Variants in TMEM135 observed in about 807,000 individuals in gnomAD.
The protein encoded by TMEM135 is transmembrane protein 135.
In TMEM135, 30 loss-of-function variants were observed where a neutral mutation model predicts 60.3. That is an observed-to-expected ratio of 0.50 (90% CI 0.37 to 0.68). The LOEUF (loss-of-function observed/expected upper bound fraction) is 0.68, where lower values mean the gene tolerates loss of function less well. TMEM135 is among the 30% of genes least tolerant of loss of function. TMEM135 has a pLI of 0.00. For synonymous variants in TMEM135, 190 were observed against 186.7 expected, an observed-to-expected ratio of 1.02 and a Z score of -0.14; for missense variants, 468 against 548.8, an observed-to-expected ratio of 0.85 and a Z score of 1.47.
chr11:87,253,677 A>G (rs1941466511), intron 6 of TMEM135, among the ~76,000 whole-genome samples: 1 of 10,564 alleles, frequency 9.5e-5, no homozygotes, highest in Admixed American at 6.8e-4. Context: ...ATATATATAT[A>G]TATATATATA....
chr11:87,297,599 GAATTCT>G (rs1942369068), intron 7 of TMEM135, among the ~76,000 whole-genome samples: 1 of 152,160 alleles, frequency 6.6e-6, no homozygotes, highest in Non-Finnish European at 1.5e-5. Context: ...TAGACTCCCA[GAATTCT>G]TGCAAAAACT....
chr11:87,119,340 T>G (rs953415693), intron 4 of TMEM135, among the ~76,000 whole-genome samples: 8 of 152,308 alleles, frequency 5.3e-5, no homozygotes, highest in African/African-American at 1.9e-4. Context: ...ACACAACATT[T>G]ATCTATTAAG....
chr11:87,211,860 C>T (rs1256566842), intron 5 of TMEM135, among the ~76,000 whole-genome samples: 14 of 151,852 alleles, frequency 9.2e-5, no homozygotes, highest in African/African-American at 3.1e-4. Flanking sequence ...AGGAGAATGG[C>T]GTGAACCCGG....
chr11:87,247,948 C>T lies in TMEM135; in HGVS notation c.509+11264C>T, dbSNP rs562149525. On this transcript the variant is annotated intron_variant, in intron 6 of 14. Transcript: ENST00000305494. ...TGCAGAAATCACCCGTCTTCTGCGTCGCTCACACTGGGGGCTTTAGACTGG... is the reference window on the plus strand; with the variant it reads ...TGCAGAAATCACCCGTCTTCTGCGTTGCTCACACTGGGGGCTTTAGACTGG... 2.1e-3 allele frequency among the ~76,000 whole-genome samples: 317 copies of T among 151,832 alleles called. 1 individual carries two copies. Among genetic ancestry groups the T allele is most frequent in the African/African-American group, 6.6e-3 (272 of 41,368 alleles).
In TMEM135 at chr11:87,129,213, ATTTTTTTTTTTTTTTTTTTTTTTTT is replaced by A. The variant is rs71040295; in HGVS notation, c.397-28105_397-28081del. Among the ~76,000 whole-genome samples, 24 of 116,272 alleles carry A rather than the reference ATTTTTTTTTTTTTTTTTTTTTTTTT, an allele frequency of 2.1e-4. No homozygotes were observed. In the East Asian group the frequency reaches 2.2e-3, roughly 11 times the overall value. 76.3% of individuals were successfully genotyped at this position (116,272 alleles called of 152,430 possible). On this transcript the variant is annotated intron_variant, in intron 4 of 14. Transcript: ENST00000305494. ...TTCTATACATGTTCCTTATTCCTTAATTTTTTTTTTTTTTTTTTTTTTTTTTTTTTTTTTTTTTTTTTTTTTTGAG... is the reference window on the plus strand; with the variant it reads ...TTCTATACATGTTCCTTATTCCTTAATTTTTTTTTTTTTTTTTTTTTTGAG...
At chr11:87,058,572 C>A (rs144057103) in intron 1 of TMEM135, among the ~76,000 whole-genome samples, 1 of 152,100 alleles carries the variant, frequency 6.6e-6, no homozygotes, top group East Asian at 1.9e-4. Context: ...CTCAAGTGAT[C>A]CACCCGCCTT....
chr11:87,197,584 G>C (rs956819116), intron 5 of TMEM135, among the ~76,000 whole-genome samples: 2 of 148,792 alleles, frequency 1.3e-5, no homozygotes, highest in Admixed American at 1.3e-4. Context: ...TTCCAATTCT[G>C]TTAAAATTGG....
At chr11:87,253,286 T>C (rs764023610) in intron 6 of TMEM135, among the ~76,000 whole-genome samples, 45 of 152,086 alleles carry the variant, frequency 3.0e-4, no homozygotes, top group Middle Eastern at 3.2e-3. Flanking sequence ...AAGAGAAATA[T>C]TGTATGGAGA....
chr11:87,100,276 T>G (rs1320861351), intron 4 of TMEM135, among the ~76,000 whole-genome samples: 1 of 152,176 alleles, frequency 6.6e-6, no homozygotes, highest in Admixed American at 6.5e-5. Context: ...GATCATAATA[T>G]TTTCTGGATA....
intron 5 of TMEM135, among the ~76,000 whole-genome samples, chr11:87,196,635 C>T (rs1455740791): frequency 6.6e-6 from 1 of 152,052 alleles, no homozygotes; most frequent in Admixed American, 6.5e-5. Flanking sequence ...CTTAGTTTTA[C>T]AGGAAGATCT....
chr11:87,124,185 A>C (rs771928827), intron 4 of TMEM135, among the ~76,000 whole-genome samples: 1 of 152,168 alleles, frequency 6.6e-6, no homozygotes, highest in Non-Finnish European at 1.5e-5. Context: ...TGGTTGGCTT[A>C]AGATAAAAAA....
intron 1 of TMEM135, among the ~76,000 whole-genome samples, chr11:87,058,017 G>A (rs1949910029): frequency 6.6e-6 from 1 of 152,160 alleles, no homozygotes; most frequent in Non-Finnish European, 1.5e-5. Context: ...AAGAACTGGT[G>A]TTTCAGTCAG....
rs150668737 is a variant in TMEM135 at position 87,105,254 on chromosome 11, A to T, written c.396+13859A>T. Among the ~76,000 whole-genome samples, 888 of 152,304 alleles carry T rather than the reference A, an allele frequency of 5.8e-3. 14 individuals are homozygous for T. The highest frequency in any genetic ancestry group is 0.02 in the African/African-American group (847 of 41,568). ...ACCTTGTCAGGAATCAGCCTGCAAAACAGGAGATGATACGCGGGTGAGCGA... is the reference window on the plus strand; with the variant it reads ...ACCTTGTCAGGAATCAGCCTGCAAATCAGGAGATGATACGCGGGTGAGCGA... On this transcript the variant is annotated intron_variant, in intron 4 of 14. Transcript: ENST00000305494.
intron 6 of TMEM135, among the ~76,000 whole-genome samples, chr11:87,247,468 C>T (rs561105995): frequency 6.6e-6 from 1 of 152,202 alleles, no homozygotes; most frequent in Middle Eastern, 3.4e-3. Context: ...GTGGAGCCTA[C>T]AGAGGCAGGC....
chr11:87,283,627 A>G (rs760690553), intron 6 of TMEM135, among the ~76,000 whole-genome samples: 17 of 152,198 alleles, frequency 1.1e-4, no homozygotes, highest in Non-Finnish European at 2.2e-4. Flanking sequence ...TGGGAGGCCA[A>G]GGCAGGTGGA....
At chr11:87,043,098 G>T (rs1949765090) in intron 1 of TMEM135, among the ~76,000 whole-genome samples, 1 of 151,476 alleles carries the variant, frequency 6.6e-6, no homozygotes, top group South Asian at 2.1e-4. Flanking sequence ...TGGGATTACA[G>T]GTATGCACCA....
intron 5 of TMEM135, among the ~76,000 whole-genome samples, chr11:87,223,208 AGGCT>A (rs1940683862): frequency 7.2e-6 from 1 of 139,242 alleles, no homozygotes; most frequent in Non-Finnish European, 1.5e-5. Flanking sequence ...ACTTTCGCCC[AGGCT>A]GGAGCGCAGT....
intron 4 of TMEM135, among the ~76,000 whole-genome samples, chr11:87,151,046 A>G (rs1938543616): frequency 6.6e-6 from 1 of 152,044 alleles, no homozygotes; most frequent in Non-Finnish European, 1.5e-5. Flanking sequence ...AGTTGCAAGT[A>G]TTGCTGTTGA....
chr11:87,279,266 A>C lies in TMEM135; in HGVS notation c.510-16516A>C, dbSNP rs1405433734. 3.9e-5 allele frequency among the ~76,000 whole-genome samples: 6 copies of C among 152,182 alleles called. No individual in the cohort carries two copies. In the East Asian group the frequency reaches 1.2e-3, roughly 29 times the overall value. On this transcript the variant is annotated intron_variant, in intron 6 of 14. Coordinates refer to ENST00000305494, the MANE Select transcript of TMEM135 (RefSeq NM_022918.4). ...GATACATCTTTTAGATCATGGTGTT[A>C]ATTTCAGGGGAGATGGTGTGTCTAC...
Sources: allele counts gnomAD v4.1 joint callset (sites outside exome capture counted in the v4.1 genomes callset), GRCh38; gene constraint gnomAD v4.1.1; transcripts MANE v1.5; gene names NCBI Gene and HGNC (gene_info 2026-07-23, HGNC 2026-07-21).